Variants in MIPOL1 observed in about 807,000 individuals in gnomAD.
MIPOL1 encodes the protein mirror-image polydactyly 1, also known as mirror-image polydactyly gene 1 protein.
Under a neutral mutation model 60.9 loss-of-function variants are expected in MIPOL1, and 57 were observed. The ratio of observed to expected loss-of-function variants is 0.94; its 90% CI spans 0.76 to 1.17. MIPOL1 has a LOEUF of 1.17. Ranked by LOEUF, MIPOL1 falls within the 50% of genes most tolerant of loss-of-function variation. The pLI is 0.00. For synonymous variants in MIPOL1, 179 were observed against 168.8 expected (o/e 1.06, Z -0.47); for missense variants, 551 against 511.6 (o/e 1.08, Z -0.74).
intron 9 of MIPOL1, among the ~76,000 whole-genome samples, chr14:37,341,239 G>A (rs1595243500): frequency 6.6e-6 from 1 of 152,296 alleles, no homozygotes; most frequent in Non-Finnish European, 1.5e-5. Context: ...TGGCATCAAT[G>A]GATTTGCTTG....
intron 10 of MIPOL1, among the ~76,000 whole-genome samples, chr14:37,386,880 T>TA (rs2093084380): frequency 6.6e-6 from 1 of 152,002 alleles, no homozygotes; most frequent in Non-Finnish European, 1.5e-5. Context: ...TGGCTACACA[T>TA]ATATCTGTGT....
intron 1 of MIPOL1, among the ~76,000 whole-genome samples, chr14:37,239,178 T>A (rs942790654): frequency 6.6e-6 from 1 of 151,522 alleles, no homozygotes; most frequent in Non-Finnish European, 1.5e-5. Flanking sequence ...CCTGAGCAGC[T>A]GGGACTACAG....
chr14:37,326,525 T>C (rs910554414), intron 9 of MIPOL1, among the ~76,000 whole-genome samples: 1 of 152,208 alleles, frequency 6.6e-6, no homozygotes, highest in Non-Finnish European at 1.5e-5. Context: ...TGGTCCAGTG[T>C]AGTCACCCTT....
At chr14:37,477,493 A>G (rs2094794947) in intron 11 of MIPOL1, among the ~76,000 whole-genome samples, 1 of 152,030 alleles carries the variant, frequency 6.6e-6, no homozygotes, top group African/African-American at 2.4e-5. Context: ...AAGTTATTAA[A>G]TTTACAGGCA....
At chr14:37,273,105 T>A (rs2083413137) in intron 6 of MIPOL1, among the ~76,000 whole-genome samples, 1 of 151,162 alleles carries the variant, frequency 6.6e-6, no homozygotes, top group Admixed American at 6.6e-5. Context: ...TATGATACAT[T>A]TATAATTTGA....
chr14:37,387,669 T>C (rs1423971047), intron 10 of MIPOL1, among the ~76,000 whole-genome samples: 1 of 151,984 alleles, frequency 6.6e-6, no homozygotes, highest in Non-Finnish European at 1.5e-5. Flanking sequence ...TAAGATTCTC[T>C]AACAAAAATG....
chr14:37,385,542 G>A (rs1403252808), intron 10 of MIPOL1: 1 of 152,012 alleles, frequency 6.6e-6, no homozygotes, highest in Non-Finnish European at 1.5e-5. Context: ...CAGGCCTTCA[G>A]GATGGCTGGT....
chr14:37,407,112 T>C (rs78517061), intron 10 of MIPOL1, among the ~76,000 whole-genome samples: 2,316 of 152,208 alleles, frequency 0.015, 30 homozygotes, highest in Non-Finnish European at 0.024. Flanking sequence ...TATCAGACAC[T>C]AAAAATAAAA....
At chr14:37,521,893 A>AAATATAT (rs371492296) in intron 12 of MIPOL1, among the ~76,000 whole-genome samples, 1 of 123,574 alleles carries the variant, frequency 8.1e-6, no homozygotes, top group Non-Finnish European at 1.7e-5. Flanking sequence ...AAGAAAAAAA[A>AAATATAT]ATATATATAT....
At chr14:37,308,971 C>T (rs1432044208) in intron 9 of MIPOL1, among the ~76,000 whole-genome samples, 7 of 152,074 alleles carry the variant, frequency 4.6e-5, no homozygotes, top group Admixed American at 2.6e-4. Context: ...ATGCTACTTA[C>T]ACCTTCCTGC....
At chr14:37,349,850 A>C (rs865831512) in intron 9 of MIPOL1, among the ~76,000 whole-genome samples, 3 of 152,218 alleles carry the variant, frequency 2.0e-5, no homozygotes, top group Middle Eastern at 3.2e-3. Context: ...GCAGCCATAT[A>C]CAGCTGCCTG....
chr14:37,533,526 A>G lies in MIPOL1; in HGVS notation c.1263-13379A>G, dbSNP rs1193878788. Among the ~76,000 whole-genome samples, 2 of 152,222 alleles carry G rather than the reference A, an allele frequency of 1.3e-5. 1 individual carries two copies. The highest frequency in any genetic ancestry group is 4.1e-4 in the South Asian group (2 of 4,836). Reference sequence around the variant, plus strand: ...CAAACTCCATTTCTGGCTAAAAGAAATCAAGATACTCTATAAGCCTTCAGT... The same window carrying G: ...CAAACTCCATTTCTGGCTAAAAGAAGTCAAGATACTCTATAAGCCTTCAGT... On this transcript the variant is annotated intron_variant, in intron 12 of 12. Coordinates refer to ENST00000684589, the MANE Select transcript of MIPOL1 (RefSeq NM_001388067.1).
At chr14:37,258,908 AAAG>A (rs1975415805) in intron 3 of MIPOL1, among the ~76,000 whole-genome samples, 1 of 152,142 alleles carries the variant, frequency 6.6e-6, no homozygotes, top group Admixed American at 6.6e-5. Context: ...CTGAAAAAAA[AAAG>A]AATAAAATTT....
chr14:37,244,798 C>G (rs568826843), intron 1 of MIPOL1, among the ~76,000 whole-genome samples: 2 of 152,140 alleles, frequency 1.3e-5, no homozygotes, highest in Non-Finnish European at 2.9e-5. Flanking sequence ...GATATCAAAT[C>G]TTTAAGGTAA....
At chr14:37,249,500 C>G (rs1016799546) in intron 3 of MIPOL1, among the ~76,000 whole-genome samples, 4 of 152,058 alleles carry the variant, frequency 2.6e-5, no homozygotes, top group African/African-American at 7.2e-5. Flanking sequence ...TTGCACCCAC[C>G]ATTAGTAATT....
At chr14:37,397,461 G>A (rs2093395905) in intron 10 of MIPOL1, among the ~76,000 whole-genome samples, 1 of 152,154 alleles carries the variant, frequency 6.6e-6, no homozygotes. Flanking sequence ...TTTTGTGCTG[G>A]TTGGCCTCCT....
At chr14:37,302,270 T>G (rs939276339) in intron 7 of MIPOL1, among the ~76,000 whole-genome samples, 10 of 148,456 alleles carry the variant, frequency 6.7e-5, no homozygotes, top group African/African-American at 2.2e-4. Context: ...TTGTTTTTTT[T>G]TTTTTTTTTT....
intron 11 of MIPOL1, among the ~76,000 whole-genome samples, chr14:37,489,703 G>T (rs998244022): frequency 2.0e-5 from 3 of 152,162 alleles, no homozygotes; most frequent in Non-Finnish European, 4.4e-5. Flanking sequence ...TAACAGTCAG[G>T]CCCCTCTGCT....
At chr14:37,210,583 A>C (rs1017680544) in intron 1 of MIPOL1, among the ~76,000 whole-genome samples, 1 of 152,100 alleles carries the variant, frequency 6.6e-6, no homozygotes, top group African/African-American at 2.4e-5. Context: ...GAAGGCTTGA[A>C]GATTAGGCGG....
Sources: allele counts gnomAD v4.1 joint callset (sites outside exome capture counted in the v4.1 genomes callset), GRCh38; gene constraint gnomAD v4.1.1; transcripts MANE v1.5; gene names NCBI Gene and HGNC (gene_info 2026-07-23, HGNC 2026-07-21).